Variants in JHY observed in about 807,000 individuals in gnomAD.
The protein encoded by JHY is jhy protein homolog.
A neutral mutation model predicts 78.0 loss-of-function variants in JHY; 69 were observed. The observed-to-expected ratio is 0.88, with a 90% CI of 0.73 to 1.08. The LOEUF (loss-of-function observed/expected upper bound fraction) is 1.08, where lower values mean the gene tolerates loss of function less well. JHY is among the 50% of genes least tolerant of loss of function. The pLI, the probability that JHY is intolerant of heterozygous loss-of-function variation, is 0.00. For missense variants in JHY, 944 were observed against 927.8 expected, an observed-to-expected ratio of 1.02 and a Z score of -0.23; for synonymous variants, 368 against 342.6, an observed-to-expected ratio of 1.07 and a Z score of -0.82.
At chr11:122,937,871 C>T (rs1355063373) in intron 5 of JHY, among the ~76,000 whole-genome samples, 3 of 152,150 alleles carry the variant, frequency 2.0e-5, no homozygotes, top group Non-Finnish European at 4.4e-5. Context: ...CTTCTGCCCT[C>T]GCCCCTGATT....
intron 4 of JHY, among the ~76,000 whole-genome samples, chr11:122,930,934 C>CA (rs1228821489): frequency 1.3e-5 from 2 of 152,116 alleles, no homozygotes; most frequent in African/African-American, 4.8e-5. Flanking sequence ...AGTCCAAGGT[C>CA]AGGACACTGG....
intron 5 of JHY, among the ~76,000 whole-genome samples, chr11:122,944,370 G>A (rs144049867): frequency 3.3e-5 from 5 of 151,706 alleles, no homozygotes; most frequent in African/African-American, 1.2e-4. Flanking sequence ...TCCTTCTACT[G>A]ATTTGCAAAT....
At chr11:122,889,326 A>T (rs1175971087) in intron 2 of JHY, among the ~76,000 whole-genome samples, 1 of 15,376 alleles carries the variant, frequency 6.5e-5, no homozygotes, top group Non-Finnish European at 2.2e-4. Context: ...GGCTTTCCGT[A>T]TCCATGGTTT....
chr11:122,932,869 G>A lies in JHY; in HGVS notation c.979-1551G>A, dbSNP rs113079234. Among the ~76,000 whole-genome samples the A allele has an allele frequency of 8.2e-3, 1,247 of 152,302 alleles. 20 individuals are homozygous for A. Among genetic ancestry groups the A allele is most frequent in the African/African-American group, 0.028 (1,144 of 41,562 alleles). The stretch of plus-strand genomic sequence containing the variant: ...CCTAGAATTTACCTGGAATACAGAA[G>A]AGAAGTTTTCCCTTTTTTGGGAGCA... On this transcript the variant is annotated intron_variant, in intron 4 of 8. Coordinates refer to ENST00000227349, the MANE Select transcript of JHY (RefSeq NM_024806.4).
chr11:122,886,068 C>A lies in JHY; in HGVS notation c.219C>A (p.Ser73Arg). ...RIRGNGMEPD[S>R]LDEEESPRWG... ...GGGGCAACGGTATGGAGCCCGACAG[C>A]TTAGACGAGGAGGAAAGCCCTCGAT... Residue 73 changes from serine (S) to arginine (R), a missense_variant, in exon 2 of 9, where the codon AGC becomes AGA. Transcript: ENST00000227349. The A allele has an allele frequency of 1.2e-6, 2 of 1,614,108 alleles. No individual in the cohort carries two copies. The highest frequency in any genetic ancestry group is 1.7e-6 in the Non-Finnish European group (2 of 1,180,032).
In JHY at chr11:122,904,275, C is replaced by G. The variant is rs762685221; in HGVS notation, c.695C>G (p.Ser232Ter). 3 of 1,614,108 alleles carry G rather than the reference C, an allele frequency of 1.9e-6. No individual in the cohort carries two copies. The highest frequency in any genetic ancestry group is 2.2e-5 in the South Asian group (2 of 91,078). Residue 232 changes from serine to a stop codon, truncating the protein, a stop_gained, in exon 3 of 9, where the codon TCA (serine) becomes TGA (stop). Transcript: ENST00000227349. LOFTEE classifies it high-confidence loss of function. ...AGCCTTTCTCCGTACGTGAAGAGCT[C>G]AAGTTCACATAACGAGGTTTTCCTG... ...SSSLSPYVKS[S>*]SSHNEVFLPG... is the part of the protein sequence containing the mutation.
At chr11:122,924,299 A>G (rs1433359771) in intron 3 of JHY, among the ~76,000 whole-genome samples, 2 of 152,018 alleles carry the variant, frequency 1.3e-5, no homozygotes, top group Non-Finnish European at 2.9e-5. Context: ...TTGCATGTGC[A>G]GGCTCCGGAG....
intron 6 of JHY, among the ~76,000 whole-genome samples, chr11:122,952,498 C>T (rs1864109845): frequency 6.6e-6 from 1 of 152,178 alleles, no homozygotes; most frequent in Non-Finnish European, 1.5e-5. Context: ...GCTATAAGCA[C>T]TTCATCCATC....
chr11:122,926,479 A>C (rs11218893), intron 4 of JHY, among the ~76,000 whole-genome samples: 35,321 of 151,926 alleles, frequency 0.23, 4,595 homozygotes, highest in Middle Eastern at 0.3. Context: ...TCTCCAGTGG[A>C]CTCCAGGCCT....
intron 2 of JHY, among the ~76,000 whole-genome samples, chr11:122,895,918 G>A (rs764272379): frequency 1.3e-5 from 2 of 152,126 alleles, no homozygotes; most frequent in Non-Finnish European, 2.9e-5. Context: ...AAGTATTACA[G>A]CTTTCTAGGC....
Position 122,935,214 on chromosome 11 carries a change from C to A in JHY, c.1634+139C>A. The A allele has an allele frequency of 1.4e-6, 1 of 692,102 alleles. No homozygotes were observed. Among genetic ancestry groups the A allele is most frequent in the Non-Finnish European group, 2.2e-6 (1 of 444,482 alleles). The allele number at this position is 692,102 out of a possible 1,614,324, so 42.9% of individuals were successfully genotyped here. A position where few individuals can be genotyped will look rare whatever the true frequency, so the allele number is the denominator to read the frequency against. On this transcript the variant is annotated intron_variant, in intron 5 of 8. Coordinates refer to ENST00000227349, the MANE Select transcript of JHY (RefSeq NM_024806.4). The surrounding 1 kb of genome is among the most constrained non-coding windows in gnomAD (Gnocchi z 4.5). ...AGAGTTCACCTAACAACTTCCTTAG[C>A]TCTGATTCCTGCCTCAAAGAGTCCA...
At chr11:122,910,753 T>G (rs2135318758) in intron 3 of JHY, among the ~76,000 whole-genome samples, 1 of 152,326 alleles carries the variant, frequency 6.6e-6, no homozygotes, top group Admixed American at 6.5e-5. Flanking sequence ...TTCACACCCC[T>G]GATTGCTAAC....
intron 5 of JHY, among the ~76,000 whole-genome samples, chr11:122,938,124 T>C (rs1260393047): frequency 1.3e-5 from 2 of 152,148 alleles, no homozygotes; most frequent in Non-Finnish European, 2.9e-5. Flanking sequence ...TCTGTTTTCA[T>C]AGATTGAGCT....
In JHY at chr11:122,903,651, A is replaced by T. The variant is rs550100256; in HGVS notation, c.345-274A>T. Among the ~76,000 whole-genome samples, 881 of 151,996 alleles carry T rather than the reference A, an allele frequency of 5.8e-3. 4 individuals carry two copies. Among genetic ancestry groups the T allele is most frequent in the Non-Finnish European group, 7.2e-3 (486 of 67,972 alleles). ...GACACCATACCCAGCTAATTTTTTA[A>T]AAAAATTTGTTGTAAAGATGGAGTC... On this transcript the variant is annotated intron_variant, in intron 2 of 8. Coordinates refer to ENST00000227349, the MANE Select transcript of JHY (RefSeq NM_024806.4).
chr11:122,914,239 T>C (rs1863188885), intron 3 of JHY, among the ~76,000 whole-genome samples: 1 of 152,214 alleles, frequency 6.6e-6, no homozygotes, highest in Non-Finnish European at 1.5e-5. Context: ...CGTCTCCTAA[T>C]GTGGAAGGTT....
Position 122,961,492 on chromosome 11 carries a change from T to C in JHY, c.*2047T>C, listed in dbSNP as rs188792824. On this transcript the variant is annotated 3_prime_UTR_variant, in exon 9 of 9. Transcript: ENST00000227349. ...GTCTCAGCCTCCCGAGTAGCCGAGATTGCAAGCGTGCACTACCACGCCCGG... is the reference window on the plus strand; with the variant it reads ...GTCTCAGCCTCCCGAGTAGCCGAGACTGCAAGCGTGCACTACCACGCCCGG... Among the ~76,000 whole-genome samples the C allele has an allele frequency of 2.1e-3, 323 of 152,214 alleles. 3 individuals are homozygous for C. Among genetic ancestry groups the C allele is most frequent in the Non-Finnish European group, 3.9e-3 (267 of 67,996 alleles).
At chr11:122,942,594 T>C (rs1299190222) in intron 5 of JHY, among the ~76,000 whole-genome samples, 1 of 152,070 alleles carries the variant, frequency 6.6e-6, no homozygotes, top group African/African-American at 2.4e-5. Context: ...CAGCTAATTT[T>C]TATATTTTTA....
intron 4 of JHY, among the ~76,000 whole-genome samples, chr11:122,928,177 G>A (rs2135345930): frequency 6.6e-6 from 1 of 152,294 alleles, no homozygotes; most frequent in Admixed American, 6.5e-5. Context: ...CATGGGCCAG[G>A]CACAGTGGCT....
At chr11:122,906,806 T>C (rs1188148604) in intron 3 of JHY, among the ~76,000 whole-genome samples, 2 of 152,216 alleles carry the variant, frequency 1.3e-5, no homozygotes, top group South Asian at 2.1e-4. Context: ...TTCTTTTCTT[T>C]GTGCCATGGA....
Sources: gnomAD v4.1 joint callset for allele counts (sites outside exome capture counted in the v4.1 genomes callset) on GRCh38, gnomAD v4.1.1 for gene constraint, Gnocchi (gnomAD v3.1) non-coding constraint, MANE v1.5 for transcripts, NCBI Gene and HGNC (gene_info 2026-07-23, HGNC 2026-07-21) for gene names.